The following ERCC8 variants were observed in gnomAD, a reference collection of about 807,000 sequenced individuals.
ERCC8 encodes the protein DNA excision repair protein ERCC-8.
ERCC8 carries 52 observed loss-of-function variants against 54.9 expected under a neutral mutation model. The observed-to-expected ratio is 0.95, with a 90% CI of 0.76 to 1.19. The LOEUF (loss-of-function observed/expected upper bound fraction) is 1.19. ERCC8 is among the 50% of genes most tolerant of loss of function. The pLI, the probability that ERCC8 is intolerant of heterozygous loss-of-function variation, is 0.00. For missense variants in ERCC8, 514 were observed against 466.1 expected (o/e 1.10, Z -0.95); for synonymous variants, 146 against 157.2 (o/e 0.93, Z 0.53).
rs1426255192 is a variant in ERCC8, at chr5:60,870,577, G to T, written c.*4038C>A. On this transcript the variant is annotated 3_prime_UTR_variant, in exon 12 of 12. Coordinates refer to ENST00000676185, the MANE Select transcript of ERCC8 (RefSeq NM_000082.4). ...CTTGGGAGGCTGAGGCAGGAAAATTGCTTGAACCTGGGAAGCGGAGGTTGC... is the reference window on the plus strand; with the variant it reads ...CTTGGGAGGCTGAGGCAGGAAAATTTCTTGAACCTGGGAAGCGGAGGTTGC... Among the ~76,000 whole-genome samples the T allele has an allele frequency of 2.0e-5, 3 of 149,482 alleles. No homozygotes were observed. The highest frequency in any genetic ancestry group is 7.4e-5 in the African/African-American group (3 of 40,402).
At chr5:60,887,992 C>T (rs2112472690) in intron 10 of ERCC8, among the ~76,000 whole-genome samples, 1 of 152,268 alleles carries the variant, frequency 6.6e-6, no homozygotes, top group Admixed American at 6.5e-5. Flanking sequence ...AGATGTATAT[C>T]CCATGCCTGT....
intron 9 of ERCC8, among the ~76,000 whole-genome samples, chr5:60,894,907 A>C (rs1209221403): frequency 1.3e-5 from 2 of 151,958 alleles, no homozygotes; most frequent in Admixed American, 1.3e-4. Context: ...GCGTGGTCTC[A>C]CTCCCGTAAT....
Position 60,908,533 on chromosome 5 carries a change from C to G in ERCC8, c.400-3660G>C, listed in dbSNP as rs553505905. On this transcript the variant is annotated intron_variant, in intron 4 of 11. Coordinates refer to ENST00000676185, the MANE Select transcript of ERCC8 (RefSeq NM_000082.4). ...CAATATAATCCACCCAATTGTCAAG[C>G]CAGAGAACCTGGGGGTCATTCATAT... 1.0e-4 allele frequency among the ~76,000 whole-genome samples: 15 copies of G among 149,704 alleles called. No homozygotes were observed. The East Asian group carries it at 2.9e-3, about 29-fold the overall frequency.
chr5:60,934,711 T>C (rs1192508508), intron 1 of ERCC8, among the ~76,000 whole-genome samples: 3 of 152,256 alleles, frequency 2.0e-5, no homozygotes, highest in Non-Finnish European at 2.9e-5. Context: ...TAGATTTAAG[T>C]CTCTGATCCA....
chr5:60,915,474 TAGTA>T (rs1225640999), intron 4 of ERCC8, among the ~76,000 whole-genome samples: 1 of 152,116 alleles, frequency 6.6e-6, no homozygotes, highest in Non-Finnish European at 1.5e-5. Context: ...TTACTGTACT[TAGTA>T]AGTACCACAT....
intron 1 of ERCC8, among the ~76,000 whole-genome samples, chr5:60,944,726 A>AC (rs1300642410): frequency 4.4e-4 from 15 of 34,142 alleles, no homozygotes; most frequent in Admixed American, 1.1e-3. Context: ...ACCCCCGGGG[A>AC]ACCCCCCCCA....
intron 11 of ERCC8, among the ~76,000 whole-genome samples, chr5:60,875,621 T>G (rs546973404): frequency 2.3e-4 from 35 of 152,342 alleles, no homozygotes; most frequent in African/African-American, 8.2e-4. Flanking sequence ...TTATTCAGAT[T>G]CCAATTCCAA....
intron 2 of ERCC8, among the ~76,000 whole-genome samples, chr5:60,923,689 C>A (rs1404881362): frequency 6.6e-6 from 1 of 152,014 alleles, no homozygotes; most frequent in East Asian, 1.9e-4. Context: ...TGAACAAATT[C>A]TTTATGTCTC....
chr5:60,875,909 TGTAA>T (rs879875848), intron 11 of ERCC8, among the ~76,000 whole-genome samples: 136 of 151,872 alleles, frequency 9.0e-4, no homozygotes, highest in Non-Finnish European at 1.5e-3. Context: ...TTTATTATAC[TGTAA>T]GTTTTAGGGT....
At chr5:60,906,234 C>T (rs1040306890) in intron 4 of ERCC8, among the ~76,000 whole-genome samples, 3 of 151,890 alleles carry the variant, frequency 2.0e-5, no homozygotes, top group African/African-American at 7.3e-5. Flanking sequence ...TGGGGTTTTG[C>T]CATGTTGCCC....
At chr5:60,906,836 C>A (rs1354476651) in intron 4 of ERCC8, among the ~76,000 whole-genome samples, 1 of 152,100 alleles carries the variant, frequency 6.6e-6, no homozygotes, top group Admixed American at 6.5e-5. Flanking sequence ...CAAAGCCCAG[C>A]AATAATTAAG....
intron 11 of ERCC8, among the ~76,000 whole-genome samples, chr5:60,875,070 T>A (rs1747958363): frequency 1.3e-5 from 2 of 152,228 alleles, no homozygotes; most frequent in Non-Finnish European, 2.9e-5. Flanking sequence ...AGGTGTACAG[T>A]CTGACCTGAC....
intron 9 of ERCC8, chr5:60,892,052 C>T (rs1748577979): frequency 9.4e-6 from 5 of 530,816 alleles, no homozygotes. Flanking sequence ...AGGGAGGATG[C>T]TAGAGCCTGG....
chr5:60,881,356 G>A (rs1176692697), intron 11 of ERCC8, among the ~76,000 whole-genome samples: 15 of 152,168 alleles, frequency 9.9e-5, no homozygotes, highest in South Asian at 4.1e-4. Flanking sequence ...CTCCAGCTGC[G>A]TGCTGGGAGA....
chr5:60,918,330 T>G lies in ERCC8; in HGVS notation c.334A>C (p.Thr112Pro). 1 of 1,596,656 alleles carries G rather than the reference T, an allele frequency of 6.3e-7. No homozygotes were observed. Among genetic ancestry groups the G allele is most frequent in the Non-Finnish European group, 8.6e-7 (1 of 1,164,484 alleles). Reference protein sequence around the residue: ...VETVQWYPHDTGMFTSSSFDK... With the variant: ...VETVQWYPHDPGMFTSSSFDK... Reference sequence around the variant, plus strand: ...AATGAGCTTGATGTGAACATGCCAGTGTCATGAGGATACCACTGTACAGTC... The same window carrying G: ...AATGAGCTTGATGTGAACATGCCAGGGTCATGAGGATACCACTGTACAGTC... Residue 112 changes from threonine to proline, a missense_variant, in exon 4 of 12, where the codon ACT becomes CCT. Physicochemically the swap from Thr to Pro is conservative, Grantham distance 38. Coordinates refer to ENST00000676185, the MANE Select transcript of ERCC8 (RefSeq NM_000082.4).
At chr5:60,901,553 A>C (rs1308420723) in intron 7 of ERCC8, among the ~76,000 whole-genome samples, 1 of 152,048 alleles carries the variant, frequency 6.6e-6, no homozygotes, top group East Asian at 1.9e-4. Context: ...ACTAAAAACC[A>C]AGAGAAGCCG....
Position 60,870,084 on chromosome 5 carries a change from A to C in ERCC8, c.*4531T>G, listed in dbSNP as rs1486049485. On this transcript the variant is annotated 3_prime_UTR_variant, in exon 12 of 12. Coordinates refer to ENST00000676185, the MANE Select transcript of ERCC8 (RefSeq NM_000082.4). Reference sequence around the variant, plus strand: ...CCATATTTCTCCACTATATTTTTGCAAGTGCTTAACAAAACAAAACAAAAC... The same window carrying C: ...CCATATTTCTCCACTATATTTTTGCCAGTGCTTAACAAAACAAAACAAAAC... Among the ~76,000 whole-genome samples the C allele has an allele frequency of 6.6e-6, 1 of 152,114 alleles. No homozygotes were observed. The highest frequency in any genetic ancestry group is 2.4e-5 in the African/African-American group (1 of 41,460).
intron 1 of ERCC8, among the ~76,000 whole-genome samples, chr5:60,931,261 A>G (rs1749901309): frequency 6.6e-6 from 1 of 152,202 alleles, no homozygotes; most frequent in South Asian, 2.1e-4. Context: ...AAGGTCACAC[A>G]GCTAATATTT....
Position 60,897,908 on chromosome 5 carries a change from A to G in ERCC8, c.843+368T>C, listed in dbSNP as rs1220438391. Reference sequence around the variant, plus strand: ...CTCAAAAAGTTTCAGATTTTGGAACATTTCAGATTTCAGATTTTCAGATTA... The same window carrying G: ...CTCAAAAAGTTTCAGATTTTGGAACGTTTCAGATTTCAGATTTTCAGATTA... On this transcript the variant is annotated intron_variant, in intron 9 of 11. Transcript: ENST00000676185. Among the ~76,000 whole-genome samples, 4 of 152,340 alleles carry G rather than the reference A, an allele frequency of 2.6e-5. 1 individual carries two copies. Among genetic ancestry groups the G allele is most frequent in the East Asian group, 3.9e-4 (2 of 5,190 alleles).
Sources: gnomAD v4.1 joint callset for allele counts (sites outside exome capture counted in the v4.1 genomes callset) on GRCh38, gnomAD v4.1.1 for gene constraint, MANE v1.5 for transcripts, NCBI Gene and HGNC (gene_info 2026-07-23, HGNC 2026-07-21) for gene names.